ENOX1: variants seen among roughly 807,000 people sequenced by gnomAD.
ENOX1 encodes ecto-NOX disulfide-thiol exchanger 1, also known as candidate growth-related and time keeping constitutive hydroquinone (NADH) oxidase.
In ENOX1, 42 loss-of-function variants were observed where a neutral mutation model predicts 82.5. The ratio of observed to expected loss-of-function variants is 0.51; its 90% confidence interval spans 0.40 to 0.66. The LOEUF (loss-of-function observed/expected upper bound fraction) is 0.66, where lower values mean the gene tolerates loss of function less well. ENOX1 is among the 30% of genes least tolerant of loss of function. ENOX1 has a pLI of 0.00. For synonymous variants in ENOX1, 271 were observed against 282.2 expected (o/e 0.96, Z 0.40); for missense variants, 608 against 811.6 (o/e 0.75, Z 3.05).
chr13:43,487,942 C>G (rs1225284074), intron 2 of ENOX1, among the ~76,000 whole-genome samples: 1 of 151,966 alleles, frequency 6.6e-6, no homozygotes, highest in Non-Finnish European at 1.5e-5. Flanking sequence ...GACTTTAATT[C>G]AAAAAAAGCT....
intron 2 of ENOX1, among the ~76,000 whole-genome samples, chr13:43,582,075 T>C (rs1378859612): frequency 1.3e-5 from 2 of 151,996 alleles, no homozygotes; most frequent in African/African-American, 2.4e-5. Flanking sequence ...CATCAATAAA[T>C]TCCCCAAAAA....
chr13:43,605,706 C>T (rs1594063924), intron 2 of ENOX1, among the ~76,000 whole-genome samples: 1 of 152,194 alleles, frequency 6.6e-6, no homozygotes. Context: ...GAAACTACTA[C>T]AAGAAAACAC....
At position 43,344,647 on chromosome 13, in the gene ENOX1, C is replaced by T. The variant is rs748475723; in HGVS notation, c.927G>A (p.Ser309=). 4.2e-5 allele frequency: 68 copies of T among 1,613,972 alleles called. No individual in the cohort carries two copies. Among genetic ancestry groups the T allele is most frequent in the African/African-American group, 8.0e-5 (6 of 74,876 alleles). Residue 309 remains serine, a synonymous_variant, in exon 9 of 17, where the codon TCG becomes TCA. Transcript: ENST00000690772. Reference sequence around the variant, plus strand: ...TTAGCCGGCGGACGTGGCTGTTGGCCGACTGCACCATGGAATAGAACTGGT... The same window carrying T: ...TTAGCCGGCGGACGTGGCTGTTGGCTGACTGCACCATGGAATAGAACTGGT... ...SANQFYSMVQ[S]ANSHVRRLMN...
At chr13:43,348,316 G>A (rs2153548932) in intron 8 of ENOX1, among the ~76,000 whole-genome samples, 1 of 152,342 alleles carries the variant, frequency 6.6e-6, no homozygotes, top group South Asian at 2.1e-4. Flanking sequence ...TCTGTCTCCA[G>A]TTTTGAGGGG....
At chr13:43,270,502 T>C (rs1277599651) in intron 12 of ENOX1, among the ~76,000 whole-genome samples, 1 of 152,214 alleles carries the variant, frequency 6.6e-6, no homozygotes, top group Non-Finnish European at 1.5e-5. Flanking sequence ...AGGCTACTTC[T>C]TCAGGGCCTT....
At chr13:43,659,497 A>C (rs577422951) in intron 2 of ENOX1, among the ~76,000 whole-genome samples, 26 of 152,140 alleles carry the variant, frequency 1.7e-4, no homozygotes, top group African/African-American at 6.0e-4. Context: ...GTAAAAAAAA[A>C]AAAAATTTTC....
At chr13:43,288,294 C>T (rs548128522) in intron 12 of ENOX1, among the ~76,000 whole-genome samples, 12 of 152,188 alleles carry the variant, frequency 7.9e-5, no homozygotes, top group East Asian at 5.8e-4. Flanking sequence ...AGTAAAATGT[C>T]GGTGGCTTTT....
At chr13:43,251,084 C>A (rs866397247) in intron 14 of ENOX1, among the ~76,000 whole-genome samples, 38 of 151,402 alleles carry the variant, frequency 2.5e-4, no homozygotes, top group Non-Finnish European at 5.2e-4. Context: ...ATCTTTGATT[C>A]GATTGCTTAT....
intron 2 of ENOX1, among the ~76,000 whole-genome samples, chr13:43,649,751 C>T (rs941435002): frequency 6.6e-6 from 1 of 151,976 alleles, no homozygotes; most frequent in Non-Finnish European, 1.5e-5. Flanking sequence ...ATGAGAAAGA[C>T]TTTGTAAACT....
At chr13:43,413,064 T>C (rs988324295) in intron 3 of ENOX1, 76 bp from the exon 4 acceptor site, 8 of 1,355,086 alleles carry the variant, frequency 5.9e-6, no homozygotes, top group South Asian at 1.7e-5. Flanking sequence ...CAAACTGTTA[T>C]CTATTCAAAA....
intron 3 of ENOX1, among the ~76,000 whole-genome samples, chr13:43,437,162 C>T (rs975425859): frequency 2.6e-5 from 4 of 152,098 alleles, no homozygotes; most frequent in Admixed American, 2.0e-4. Context: ...TTGGGGAAGG[C>T]CATTAACAAT....
In ENOX1 at chr13:43,609,992, C is replaced by G. The variant is rs190880675; in HGVS notation, c.-219+57487G>C. ...AGTTGTTTTATCAGGAAATAACTTC[C>G]TATTTTCCCAAGTTTTGAAATTTTG... On this transcript the variant is annotated intron_variant, in intron 2 of 16. Coordinates refer to ENST00000690772, the MANE Select transcript of ENOX1 (RefSeq NM_001347969.2). 25 of 725,404 alleles carry G rather than the reference C, an allele frequency of 3.4e-5. No individual in the cohort carries two copies. In the East Asian group the frequency reaches 2.1e-3, roughly 60 times the overall value. The allele number at this position is 725,404 out of a possible 1,614,324, so 44.9% of individuals were successfully genotyped here.
intron 1 of ENOX1, among the ~76,000 whole-genome samples, chr13:43,729,731 G>C (rs1222545237): frequency 3.9e-5 from 6 of 152,332 alleles, no homozygotes; most frequent in Admixed American, 1.3e-4. Context: ...GCAGATGACA[G>C]AACAATAGGC....
At chr13:43,501,792 C>CA (rs201805701) in intron 2 of ENOX1, among the ~76,000 whole-genome samples, 77,147 of 125,406 alleles carry the variant, frequency 0.62, 23,945 homozygotes, top group Non-Finnish European at 0.75. Flanking sequence ...CCTACCTTAA[C>CA]AAAAAAAAAA....
At chr13:43,654,717 A>T (rs934727345) in intron 2 of ENOX1, among the ~76,000 whole-genome samples, 3 of 152,212 alleles carry the variant, frequency 2.0e-5, no homozygotes, top group African/African-American at 7.2e-5. Flanking sequence ...TTTATTTGTA[A>T]AAGAAAAGGG....
At chr13:43,286,621 A>C (rs79961059) in intron 12 of ENOX1, among the ~76,000 whole-genome samples, 3,371 of 152,248 alleles carry the variant, frequency 0.022, 60 homozygotes, top group South Asian at 0.045. Flanking sequence ...TTTGAGAAGG[A>C]ATGATTACTA....
At chr13:43,235,953 GA>G (rs1205915656) in intron 15 of ENOX1, among the ~76,000 whole-genome samples, 1 of 152,116 alleles carries the variant, frequency 6.6e-6, no homozygotes, top group African/African-American at 2.4e-5. Flanking sequence ...CCCTTCCTCT[GA>G]ATTTGAGGGC....
chr13:43,611,344 A>C (rs771308213), intron 2 of ENOX1, among the ~76,000 whole-genome samples: 5 of 152,210 alleles, frequency 3.3e-5, no homozygotes, highest in Non-Finnish European at 7.3e-5. Flanking sequence ...TGTTAAATAT[A>C]TACTGAAGGG....
intron 2 of ENOX1, among the ~76,000 whole-genome samples, chr13:43,554,010 A>G (rs967389991): frequency 6.6e-6 from 1 of 152,210 alleles, no homozygotes; most frequent in Non-Finnish European, 1.5e-5. Context: ...TGGTCTCCCA[A>G]AGTGCTGGGA....
Sources: allele counts gnomAD v4.1 joint callset (sites outside exome capture counted in the v4.1 genomes callset), GRCh38; gene constraint gnomAD v4.1.1; transcripts MANE v1.5; gene names NCBI Gene and HGNC (gene_info 2026-07-23, HGNC 2026-07-21).